The following SLC9A9 variants were observed in gnomAD, a reference collection of about 807,000 sequenced individuals.
SLC9A9 encodes the protein sodium/hydrogen exchanger 9.
In SLC9A9, 62 loss-of-function variants were observed where a neutral mutation model predicts 77.8. The ratio of observed to expected loss-of-function variants is 0.80; its 90% CI spans 0.65 to 0.98. The LOEUF is 0.98. Ranked by LOEUF, SLC9A9 falls within the 50% of genes least tolerant of loss-of-function variation. SLC9A9 has a pLI of 0.00. For missense variants in SLC9A9, 775 were observed against 774.9 expected (o/e 1.00, Z 0.00); for synonymous variants, 320 against 283.5 (o/e 1.13, Z -1.29).
At chr3:143,543,190 C>T (rs2036715542) in intron 9 of SLC9A9, among the ~76,000 whole-genome samples, 1 of 152,114 alleles carries the variant, frequency 6.6e-6, no homozygotes, top group Non-Finnish European at 1.5e-5. Flanking sequence ...AGAATTCTTC[C>T]AAGGGGAGCA....
chr3:143,339,084 A>G (rs1320864594), intron 14 of SLC9A9, among the ~76,000 whole-genome samples: 2 of 152,174 alleles, frequency 1.3e-5, no homozygotes, highest in Admixed American at 6.5e-5. Flanking sequence ...TCTGTCTCCT[A>G]CACAAGGCAC....
At chr3:143,482,614 C>G (rs868440925) in intron 11 of SLC9A9, among the ~76,000 whole-genome samples, 1 of 152,178 alleles carries the variant, frequency 6.6e-6, no homozygotes, top group Non-Finnish European at 1.5e-5. Flanking sequence ...TCACAGTACC[C>G]AAGTCACAGT....
At chr3:143,326,536 T>G (rs538188052) in intron 14 of SLC9A9, among the ~76,000 whole-genome samples, 1 of 151,912 alleles carries the variant, frequency 6.6e-6, no homozygotes, top group East Asian at 1.9e-4. Context: ...ACGTGCCCCC[T>G]CCCCCCAGGC....
At chr3:143,656,286 C>T (rs1385808337) in intron 5 of SLC9A9, among the ~76,000 whole-genome samples, 2 of 152,140 alleles carry the variant, frequency 1.3e-5, no homozygotes, top group Non-Finnish European at 1.5e-5. Flanking sequence ...TTTCATCATA[C>T]CAAGGGTCTT....
chr3:143,825,869 A>G (rs1028312573), intron 2 of SLC9A9, among the ~76,000 whole-genome samples: 8 of 151,462 alleles, frequency 5.3e-5, no homozygotes, highest in African/African-American at 1.7e-4. Flanking sequence ...TGGCCCACTG[A>G]CCCTTCCAAC....
intron 2 of SLC9A9, among the ~76,000 whole-genome samples, chr3:143,825,577 G>A (rs560256020): frequency 1.3e-5 from 2 of 152,244 alleles, no homozygotes; most frequent in South Asian, 2.1e-4. Flanking sequence ...CAATTGAAAC[G>A]AGCTCTGATG....
intron 4 of SLC9A9, among the ~76,000 whole-genome samples, chr3:143,770,753 A>T: frequency 6.6e-6 from 1 of 152,212 alleles, no homozygotes; most frequent in South Asian, 2.1e-4. Context: ...CTCCATAAAC[A>T]AATGACAAAC....
chr3:143,482,386 G>A (rs2035588294), intron 11 of SLC9A9, among the ~76,000 whole-genome samples: 1 of 152,122 alleles, frequency 6.6e-6, no homozygotes, highest in Non-Finnish European at 1.5e-5. Context: ...CATGTACTGT[G>A]GTGACATTTT....
intron 8 of SLC9A9, among the ~76,000 whole-genome samples, chr3:143,571,675 C>A (rs80115956): frequency 6.6e-6 from 1 of 152,166 alleles, no homozygotes; most frequent in East Asian, 1.9e-4. Flanking sequence ...CATCATGTTC[C>A]CCTTTTGGCT....
At chr3:143,570,719 T>C (rs1414371571) in intron 8 of SLC9A9, among the ~76,000 whole-genome samples, 1 of 152,142 alleles carries the variant, frequency 6.6e-6, no homozygotes, top group East Asian at 1.9e-4. Context: ...AAAAAGCAAG[T>C]TACTTAAGAA....
chr3:143,744,525 G>C (rs1009593397), intron 4 of SLC9A9, among the ~76,000 whole-genome samples: 7 of 152,012 alleles, frequency 4.6e-5, no homozygotes, highest in African/African-American at 1.7e-4. Flanking sequence ...CTCTCTTCAC[G>C]GCCCCATCGC....
intron 2 of SLC9A9, among the ~76,000 whole-genome samples, chr3:143,802,862 A>G (rs1028034058): frequency 3.3e-5 from 5 of 152,102 alleles, no homozygotes; most frequent in African/African-American, 1.2e-4. Flanking sequence ...GGTACAGTCC[A>G]TTTGAACTTT....
intron 5 of SLC9A9, among the ~76,000 whole-genome samples, chr3:143,656,435 C>T (rs2108752418): frequency 6.6e-6 from 1 of 152,102 alleles, no homozygotes; most frequent in South Asian, 2.1e-4. Flanking sequence ...AGATGTTTGA[C>T]AATTTTTTTT....
At chr3:143,822,043 C>T (rs1286516497) in intron 2 of SLC9A9, among the ~76,000 whole-genome samples, 1 of 152,212 alleles carries the variant, frequency 6.6e-6, no homozygotes, top group East Asian at 1.9e-4. Flanking sequence ...CAACGTCATG[C>T]ACTTTCCAGA....
rs371264099 is a variant in SLC9A9 at position 143,795,559 on chromosome 3, T to C, written c.457-482A>G. ...TCTCTTTTATATCTTCTGAATGTGATGAAAATAAACTTTAAAAATCTACAA... is the reference window on the plus strand; with the variant it reads ...TCTCTTTTATATCTTCTGAATGTGACGAAAATAAACTTTAAAAATCTACAA... On this transcript the variant is annotated intron_variant, in intron 3 of 15. Coordinates refer to ENST00000316549, the MANE Select transcript of SLC9A9 (RefSeq NM_173653.4). 8.3e-4 allele frequency among the ~76,000 whole-genome samples: 126 copies of C among 152,318 alleles called. No homozygotes were observed. In the South Asian group the frequency reaches 0.013, roughly 16 times the overall value.
At chr3:143,843,450 CTGT>C (rs1312564931) in intron 1 of SLC9A9, among the ~76,000 whole-genome samples, 1 of 152,214 alleles carries the variant, frequency 6.6e-6, no homozygotes, top group Admixed American at 6.5e-5. Flanking sequence ...TCCTACTTAA[CTGT>C]TAAGCACATT....
chr3:143,678,551 T>G lies in SLC9A9; in HGVS notation c.649+14641A>C, dbSNP rs188423212. ...GTACCATTTGTTAAATAAACCATCA[T>G]TTCCCCATTGAATTGAAAGACCACC... is the stretch of plus-strand genomic sequence containing the variant. On this transcript the variant is annotated intron_variant, in intron 5 of 15. Transcript: ENST00000316549. Among the ~76,000 whole-genome samples the G allele has an allele frequency of 4.1e-4, 63 of 152,338 alleles. No individual in the cohort carries two copies. The East Asian group carries it at 8.3e-3, about 20-fold the overall frequency.
At chr3:143,815,352 G>A (rs951087112) in intron 2 of SLC9A9, among the ~76,000 whole-genome samples, 1 of 152,138 alleles carries the variant, frequency 6.6e-6, no homozygotes. Context: ...ACAGCTTAGT[G>A]CCATTGACAG....
chr3:143,747,588 G>A (rs1935225443), intron 4 of SLC9A9, among the ~76,000 whole-genome samples: 1 of 152,170 alleles, frequency 6.6e-6, no homozygotes, highest in African/African-American at 2.4e-5. Flanking sequence ...GTGAAGCAAA[G>A]AGGGATTTAA....
Sources: allele counts gnomAD v4.1 joint callset (sites outside exome capture counted in the v4.1 genomes callset), GRCh38; gene constraint gnomAD v4.1.1; transcripts MANE v1.5; gene names NCBI Gene and HGNC (gene_info 2026-07-23, HGNC 2026-07-21).